THSD4: variants seen among roughly 807,000 people sequenced by gnomAD.
THSD4 encodes the protein thrombospondin type-1 domain-containing protein 4.
In THSD4, 69 loss-of-function variants were observed where a neutral mutation model predicts 119.0. That is an observed-to-expected ratio of 0.58 (90% CI 0.48 to 0.71). The LOEUF (loss-of-function observed/expected upper bound fraction) is 0.71, where lower values mean the gene tolerates loss of function less well. Ranked by LOEUF, THSD4 falls within the 30% of genes least tolerant of loss-of-function variation. The probability of loss-of-function intolerance (pLI) is 0.00; values close to 1 mark genes in which losing one functional copy is unlikely to be tolerated. For synonymous variants in THSD4, 524 were observed against 540.4 expected (o/e 0.97, Z 0.42); for missense variants, 1,393 against 1,391.1 (o/e 1.00, Z -0.02).
chr15:71,403,952 A>G (rs2046572842), intron 6 of THSD4, among the ~76,000 whole-genome samples: 1 of 152,190 alleles, frequency 6.6e-6, no homozygotes, highest in Non-Finnish European at 1.5e-5. Flanking sequence ...TAAGTAGGGA[A>G]AGATCAAATC....
chr15:71,705,121 A>C (rs1283258982), intron 8 of THSD4, among the ~76,000 whole-genome samples: 2 of 152,234 alleles, frequency 1.3e-5, no homozygotes, highest in Admixed American at 6.5e-5. Flanking sequence ...ACTGAAGGGC[A>C]GTCAAGGAGC....
intron 4 of THSD4, among the ~76,000 whole-genome samples, chr15:71,226,876 C>T (rs2044021924): frequency 1.3e-5 from 2 of 152,194 alleles, no homozygotes; most frequent in South Asian, 4.1e-4. Flanking sequence ...GAAATGCATA[C>T]TCCTTGTTTT....
intron 7 of THSD4, among the ~76,000 whole-genome samples, chr15:71,479,025 A>G (rs550166234): frequency 6.6e-6 from 1 of 151,908 alleles, no homozygotes; most frequent in Non-Finnish European, 1.5e-5. Context: ...GTGGGCCCCC[A>G]GTAGTGCAGT....
At chr15:71,512,807 G>C (rs1202369099) in intron 7 of THSD4, among the ~76,000 whole-genome samples, 1 of 152,044 alleles carries the variant, frequency 6.6e-6, no homozygotes, top group Admixed American at 6.5e-5. Context: ...CGTAAGTGTT[G>C]AGTGAAACAT....
At chr15:71,498,691 C>CT (rs563904862) in intron 7 of THSD4, among the ~76,000 whole-genome samples, 11 of 151,626 alleles carry the variant, frequency 7.3e-5, no homozygotes, top group Non-Finnish European at 1.5e-4. Context: ...CCAAGTTAAT[C>CT]TTTTTTTTGT....
chr15:71,356,100 C>T (rs1167762698), intron 6 of THSD4, among the ~76,000 whole-genome samples: 1 of 152,082 alleles, frequency 6.6e-6, no homozygotes, highest in African/African-American at 2.4e-5. Context: ...ACTCCTGACC[C>T]CAAGGGATCT....
chr15:71,476,199 C>G (rs551576419), intron 7 of THSD4, among the ~76,000 whole-genome samples: 1 of 152,308 alleles, frequency 6.6e-6, no homozygotes, highest in South Asian at 2.1e-4. Context: ...GCCCCATCTC[C>G]TATCTATTCC....
intron 1 of THSD4, among the ~76,000 whole-genome samples, chr15:71,108,894 A>G (rs1453192917): frequency 6.6e-6 from 1 of 152,208 alleles, no homozygotes; most frequent in African/African-American, 2.4e-5. Context: ...CAGGAGGCTG[A>G]GGCAGGAGAA....
chr15:71,570,590 T>C (rs2049331577), intron 7 of THSD4, among the ~76,000 whole-genome samples: 1 of 152,094 alleles, frequency 6.6e-6, no homozygotes, highest in African/African-American at 2.4e-5. Context: ...GTATTTTTAG[T>C]AGAGACGGAG....
At chr15:71,376,677 A>G (rs903134127) in intron 6 of THSD4, among the ~76,000 whole-genome samples, 1 of 152,120 alleles carries the variant, frequency 6.6e-6, no homozygotes. Flanking sequence ...TGTCTCCTCA[A>G]CCTGTGCTAG....
chr15:71,554,856 T>C (rs1004097306), intron 7 of THSD4, among the ~76,000 whole-genome samples: 45 of 152,120 alleles, frequency 3.0e-4, no homozygotes, highest in African/African-American at 1.0e-3. Context: ...ACTGAATATA[T>C]GTAGGAGAAC....
chr15:71,257,651 G>A (rs1214839132), intron 6 of THSD4, among the ~76,000 whole-genome samples: 2 of 152,144 alleles, frequency 1.3e-5, no homozygotes, highest in African/African-American at 2.4e-5. Flanking sequence ...AATGCCTGGG[G>A]AAGCCAAACT....
chr15:71,655,732 C>T (rs1400313059), intron 7 of THSD4, among the ~76,000 whole-genome samples: 1 of 152,198 alleles, frequency 6.6e-6, no homozygotes, highest in Non-Finnish European at 1.5e-5. Context: ...CACAAGAACG[C>T]ATATTCTCCT....
At chr15:71,449,433 T>C (rs1566987951) in intron 7 of THSD4, among the ~76,000 whole-genome samples, 1 of 152,126 alleles carries the variant, frequency 6.6e-6, no homozygotes, top group African/African-American at 2.4e-5. Flanking sequence ...TACTAACTAT[T>C]GTGTGGTCTT....
chr15:71,679,376 C>A (rs564124995), intron 8 of THSD4, among the ~76,000 whole-genome samples: 3 of 152,168 alleles, frequency 2.0e-5, no homozygotes, highest in Non-Finnish European at 4.4e-5. Context: ...TCTGTTACAG[C>A]TACTCAGCTG....
At chr15:71,112,898 G>GA (rs1171388638), upstream of THSD4, among the ~76,000 whole-genome samples, 11 of 152,296 alleles carry the variant, frequency 7.2e-5, no homozygotes, top group East Asian at 2.1e-3. Flanking sequence ...ATGAGTATAG[G>GA]CTGGTCTCTG....
chr15:71,352,719 G>C (rs753951320), intron 6 of THSD4, among the ~76,000 whole-genome samples: 2 of 152,212 alleles, frequency 1.3e-5, no homozygotes, highest in Non-Finnish European at 2.9e-5. Flanking sequence ...ATGAATAATT[G>C]TAACACAGTG....
chr15:71,723,415 CTT>C (rs918846314), intron 8 of THSD4, among the ~76,000 whole-genome samples: 4 of 152,192 alleles, frequency 2.6e-5, no homozygotes, highest in Non-Finnish European at 5.9e-5. Flanking sequence ...GGCAGAGCCT[CTT>C]TTCATTTGCT....
At chr15:71,585,266 G>T (rs1479471253) in intron 7 of THSD4, among the ~76,000 whole-genome samples, 1 of 152,160 alleles carries the variant, frequency 6.6e-6, no homozygotes, top group South Asian at 2.1e-4. Flanking sequence ...TTGTAAGGAA[G>T]ACCTAATTAT....
Sources: gnomAD v4.1 joint callset for allele counts (sites outside exome capture counted in the v4.1 genomes callset) on GRCh38, gnomAD v4.1.1 for gene constraint, MANE v1.5 for transcripts, NCBI Gene and HGNC (gene_info 2026-07-23, HGNC 2026-07-21) for gene names.